PPP2R2B: variants seen among roughly 807,000 people sequenced by gnomAD.
The protein encoded by PPP2R2B is protein phosphatase 2 regulatory subunit Bbeta, also known as serine/threonine-protein phosphatase 2A 55 kDa regulatory subunit B beta isoform.
In PPP2R2B, 5 loss-of-function variants were observed where a neutral mutation model predicts 46.0. The ratio of observed to expected loss-of-function variants is 0.11; its 90% confidence interval spans 0.06 to 0.23. The LOEUF is 0.23. Among genes scored for constraint, PPP2R2B ranks in the 10% least tolerant of loss-of-function variants. The probability of loss-of-function intolerance (pLI) is 1.00; values close to 1 mark genes in which losing one functional copy is unlikely to be tolerated. For missense variants in PPP2R2B, 367 were observed against 575.0 expected, an observed-to-expected ratio of 0.64 and a Z score of 3.70; for synonymous variants, 215 against 206.7, an observed-to-expected ratio of 1.04 and a Z score of -0.34.
chr5:146,805,688 T>C (rs1023872783), intron 2 of PPP2R2B, among the ~76,000 whole-genome samples: 9 of 151,696 alleles, frequency 5.9e-5, no homozygotes, highest in Non-Finnish European at 8.8e-5. Flanking sequence ...AAAAATGGAG[T>C]GGTTTAAAAG....
intron 2 of PPP2R2B, among the ~76,000 whole-genome samples, chr5:146,860,818 G>A (rs319238): frequency 0.48 from 73,263 of 151,868 alleles, 19,283 homozygotes; most frequent in East Asian, 0.72. Context: ...CATCCAGACC[G>A]TTGCTCAGTC....
chr5:147,026,635 AATAG>A (rs1156926235), intron 1 of PPP2R2B, among the ~76,000 whole-genome samples: 2 of 152,214 alleles, frequency 1.3e-5, no homozygotes, highest in East Asian at 3.8e-4. Context: ...AGTCATTTTA[AATAG>A]ATAACTATTT....
chr5:146,772,413 T>C (rs868771928), intron 2 of PPP2R2B, among the ~76,000 whole-genome samples: 1 of 113,070 alleles, frequency 8.8e-6, no homozygotes. Context: ...TATATATATA[T>C]ATATATATAT....
intron 2 of PPP2R2B, among the ~76,000 whole-genome samples, chr5:146,813,195 T>A (rs1215840871): frequency 6.6e-6 from 1 of 151,808 alleles, no homozygotes; most frequent in African/African-American, 2.4e-5. Context: ...GCCTAGTGCA[T>A]AGGAAGCACC....
intron 2 of PPP2R2B, among the ~76,000 whole-genome samples, chr5:146,783,830 G>T (rs781225835): frequency 2.4e-4 from 37 of 152,312 alleles, no homozygotes; most frequent in Non-Finnish European, 4.6e-4. Context: ...CAGAAATTTT[G>T]CTACTGTCTG....
In PPP2R2B at chr5:146,990,398, G is replaced by C. The variant is rs185474616; in HGVS notation, c.79+65267C>G. On this transcript the variant is annotated intron_variant, in intron 1 of 8. Coordinates refer to the PPP2R2B transcript ENST00000336640. ...AAAAACAGACCAATGGAACAAAATAGAAAGCCCAGAAAGAAATCCATGCAC... is the reference window on the plus strand; with the variant it reads ...AAAAACAGACCAATGGAACAAAATACAAAGCCCAGAAAGAAATCCATGCAC... Among the ~76,000 whole-genome samples, 468 of 152,074 alleles carry C rather than the reference G, an allele frequency of 3.1e-3. 1 individual carries two copies. Among genetic ancestry groups the C allele is most frequent in the South Asian group, 8.5e-3 (41 of 4,820 alleles).
chr5:146,725,276 A>G (rs963082560), intron 2 of PPP2R2B, among the ~76,000 whole-genome samples: 2 of 152,158 alleles, frequency 1.3e-5, no homozygotes, highest in Non-Finnish European at 2.9e-5. Flanking sequence ...CATGCTAAAT[A>G]TATTGCAGAT....
At chr5:147,055,947 A>G (rs1757068590) in exon 1 of PPP2R2B, 2 of 1,401,864 alleles carry the variant, frequency 1.4e-6, no homozygotes, top group African/African-American at 1.4e-5. Flanking sequence ...ACATTTCTGC[A>G]TGCAGCTCAA....
At chr5:146,594,139 T>C (rs913971151) in intron 8 of PPP2R2B, among the ~76,000 whole-genome samples, 4 of 152,200 alleles carry the variant, frequency 2.6e-5, no homozygotes, top group African/African-American at 9.7e-5. Context: ...GATGTCTACA[T>C]GTGGAGCTGT....
At chr5:146,732,159 GCTTC>G (rs1408555982) in intron 2 of PPP2R2B, among the ~76,000 whole-genome samples, 3 of 152,126 alleles carry the variant, frequency 2.0e-5, no homozygotes, top group African/African-American at 7.2e-5. Context: ...CATTTATTCT[GCTTC>G]TAACTTACGG....
At chr5:146,957,730 G>C (rs958370795) in intron 1 of PPP2R2B, among the ~76,000 whole-genome samples, 2 of 152,152 alleles carry the variant, frequency 1.3e-5, no homozygotes, top group African/African-American at 4.8e-5. Context: ...TTGCAATAAC[G>C]TTCTGACCTA....
chr5:146,640,074 C>T (rs986323530), intron 6 of PPP2R2B, among the ~76,000 whole-genome samples: 4 of 152,192 alleles, frequency 2.6e-5, no homozygotes, highest in Admixed American at 6.5e-5. Context: ...TTTTTAGTCC[C>T]GCTAGCACTA....
chr5:146,929,072 C>T (rs1008612263), intron 1 of PPP2R2B, among the ~76,000 whole-genome samples: 45 of 152,186 alleles, frequency 3.0e-4, no homozygotes, highest in African/African-American at 1.1e-3. Context: ...ATCACCTTCT[C>T]AATGACGCCC....
chr5:147,023,152 C>A (rs1755366401), intron 1 of PPP2R2B, among the ~76,000 whole-genome samples: 1 of 151,854 alleles, frequency 6.6e-6, no homozygotes, highest in African/African-American at 2.4e-5. Context: ...GAAATAATAA[C>A]AATCAGAAAG....
intron 2 of PPP2R2B, chr5:146,707,444 C>A: frequency 1.3e-6 from 1 of 767,536 alleles, no homozygotes. Flanking sequence ...ATGCCACTGG[C>A]CCCACCATAG....
chr5:146,678,175 C>A (rs928355585), intron 5 of PPP2R2B, among the ~76,000 whole-genome samples: 19 of 151,966 alleles, frequency 1.3e-4, no homozygotes, highest in Non-Finnish European at 8.8e-5. Context: ...CCAGCAGCAC[C>A]TCAAAAAGCT....
chr5:146,744,097 T>C (rs1753035254), intron 2 of PPP2R2B, among the ~76,000 whole-genome samples: 1 of 152,194 alleles, frequency 6.6e-6, no homozygotes, highest in African/African-American at 2.4e-5. Context: ...AACTTACAAA[T>C]ATATCTTTAA....
chr5:146,689,994 T>G (rs975115792), intron 5 of PPP2R2B, among the ~76,000 whole-genome samples: 2 of 152,220 alleles, frequency 1.3e-5, no homozygotes, highest in Admixed American at 1.3e-4. Context: ...AGCAGATGTA[T>G]CAATAAATGA....
At chr5:146,920,575 T>C (rs1208807660) in intron 1 of PPP2R2B, among the ~76,000 whole-genome samples, 1 of 152,212 alleles carries the variant, frequency 6.6e-6, no homozygotes, top group East Asian at 1.9e-4. Context: ...AAAGATGCTG[T>C]TCTTTGCTAC....
Sources: gnomAD v4.1 joint callset for allele counts (sites outside exome capture counted in the v4.1 genomes callset) on GRCh38, gnomAD v4.1.1 for gene constraint, MANE v1.5 for transcripts, NCBI Gene and HGNC (gene_info 2026-07-23, HGNC 2026-07-21) for gene names.